The following IFT88 variants were observed in gnomAD, a reference collection of about 807,000 sequenced individuals.
The protein encoded by IFT88 is intraflagellar transport 88.
A neutral mutation model predicts 119.5 loss-of-function variants in IFT88; 74 were observed. The observed-to-expected ratio is 0.62, with a 90% CI of 0.51 to 0.75. IFT88 has a LOEUF of 0.75. Among genes scored for constraint, IFT88 ranks in the 30% least tolerant of loss-of-function variants. The pLI, the probability that IFT88 is intolerant of heterozygous loss-of-function variation, is 0.00. For missense variants in IFT88, 961 were observed against 977.7 expected, an observed-to-expected ratio of 0.98 and a Z score of 0.23; for synonymous variants, 279 against 316.7, an observed-to-expected ratio of 0.88 and a Z score of 1.26.
chr13:20,637,837 A>G (rs370422407), intron 16 of IFT88, among the ~76,000 whole-genome samples: 53 of 152,302 alleles, frequency 3.5e-4, no homozygotes, highest in African/African-American at 1.1e-3. Context: ...GATGGTCACA[A>G]TATTTAAGAA....
At chr13:20,599,348 A>G (rs931147097) in intron 10 of IFT88, 103 bp from the exon 11 acceptor site, 3 of 554,202 alleles carry the variant, frequency 5.4e-6, no homozygotes, top group Non-Finnish European at 9.5e-6. Flanking sequence ...CTGAGACTTC[A>G]TAACTGAGAA....
intron 14 of IFT88, among the ~76,000 whole-genome samples, chr13:20,618,302 C>T (rs1566217267): frequency 6.6e-6 from 1 of 152,208 alleles, no homozygotes; most frequent in Non-Finnish European, 1.5e-5. Flanking sequence ...GATAATCTGG[C>T]TCCCCACATC....
chr13:20,589,310 T>G (rs1045035194), intron 3 of IFT88, among the ~76,000 whole-genome samples: 1 of 152,242 alleles, frequency 6.6e-6, no homozygotes, highest in African/African-American at 2.4e-5. Context: ...TTTAGTATAC[T>G]TTCATCGATG....
At chr13:20,689,286 C>G (rs976508864) in intron 24 of IFT88, among the ~76,000 whole-genome samples, 6 of 152,114 alleles carry the variant, frequency 3.9e-5, no homozygotes, top group African/African-American at 1.4e-4. Context: ...ATCTTTCAGG[C>G]TAGGAATTTG....
intron 24 of IFT88, among the ~76,000 whole-genome samples, chr13:20,679,004 G>A (rs10400669): frequency 0.16 from 24,900 of 152,078 alleles, 2,384 homozygotes; most frequent in African/African-American, 0.25. Flanking sequence ...TGGCATTAGC[G>A]TCAGATGTGC....
chr13:20,630,873 A>T, intron 15 of IFT88, 143 bp from the exon 16 acceptor site: 1 of 492,734 alleles, frequency 2.0e-6, no homozygotes, highest in Non-Finnish European at 3.7e-6. Context: ...TCTTCTTGTA[A>T]TCTGTTTTCT....
At chr13:20,604,933 G>A (rs138953760) in intron 12 of IFT88, 102 bp from the exon 13 acceptor site, 3 of 564,742 alleles carry the variant, frequency 5.3e-6, no homozygotes, top group South Asian at 2.3e-5. Context: ...TGCAGCCTGG[G>A]CAATAGAGTG....
At chr13:20,655,723 G>A (rs1051134050) in intron 21 of IFT88, among the ~76,000 whole-genome samples, 1 of 151,894 alleles carries the variant, frequency 6.6e-6, no homozygotes, top group Non-Finnish European at 1.5e-5. Flanking sequence ...CAAACTCCTG[G>A]CCTCAAGTGG....
chr13:20,588,190 G>T (rs1490406121), intron 3 of IFT88, among the ~76,000 whole-genome samples: 1 of 151,680 alleles, frequency 6.6e-6, no homozygotes, highest in Non-Finnish European at 1.5e-5. Context: ...TAAATTAACA[G>T]TTTTACTACT....
At chr13:20,663,209 A>G in intron 22 of IFT88, 4 of 1,341,486 alleles carry the variant, frequency 3.0e-6, no homozygotes, top group Non-Finnish European at 3.9e-6. Context: ...AACAAATGTT[A>G]CATTTGCCTT....
At chr13:20,615,432 A>G (rs1202694191) in intron 13 of IFT88, among the ~76,000 whole-genome samples, 2 of 152,134 alleles carry the variant, frequency 1.3e-5, no homozygotes, top group African/African-American at 4.8e-5. Context: ...TACCACACAC[A>G]ATTTCTTCAG....
At chr13:20,681,095 C>G (rs926986247) in intron 24 of IFT88, among the ~76,000 whole-genome samples, 4 of 152,194 alleles carry the variant, frequency 2.6e-5, no homozygotes, top group Admixed American at 2.0e-4. Context: ...TCCACAATGG[C>G]TTGTCCTTGT....
chr13:20,648,184 T>C (rs1326813970), intron 20 of IFT88, among the ~76,000 whole-genome samples: 1 of 152,088 alleles, frequency 6.6e-6, no homozygotes, highest in Non-Finnish European at 1.5e-5. Context: ...TCACCTGAGG[T>C]CAGGAGTTCA....
chr13:20,670,788 G>A (rs904461504), intron 23 of IFT88, among the ~76,000 whole-genome samples, 185 bp from the exon 24 acceptor site: 7 of 151,112 alleles, frequency 4.6e-5, no homozygotes, highest in African/African-American at 1.5e-4. Context: ...AGAGGGGAAG[G>A]CTTGAACCCT....
intron 7 of IFT88, 55 bp downstream of exon 7, chr13:20,592,459 T>G: frequency 7.1e-7 from 1 of 1,401,814 alleles, no homozygotes; most frequent in Non-Finnish European, 9.9e-7. Context: ...TTTAAATTTT[T>G]ATTTTCCAAA....
At chr13:20,585,719 G>A (rs181044489) in intron 3 of IFT88, among the ~76,000 whole-genome samples, 67 of 152,334 alleles carry the variant, frequency 4.4e-4, no homozygotes, top group African/African-American at 1.6e-3. Context: ...CATTTCAGGG[G>A]TGTAGAAATC....
chr13:20,688,262 G>T (rs1381350408), intron 24 of IFT88, among the ~76,000 whole-genome samples: 3 of 152,280 alleles, frequency 2.0e-5, no homozygotes, highest in South Asian at 4.2e-4. Context: ...CAGAAGAATC[G>T]ATTGAACCCG....
chr13:20,599,347 C>T (rs757285461), intron 10 of IFT88, 104 bp from the exon 11 acceptor site: 110 of 551,564 alleles, frequency 2.0e-4, no homozygotes, highest in Non-Finnish European at 3.2e-4. Context: ...TCTGAGACTT[C>T]ATAACTGAGA....
intron 24 of IFT88, among the ~76,000 whole-genome samples, chr13:20,676,101 C>T (rs936454575): frequency 1.3e-5 from 2 of 152,202 alleles, no homozygotes; most frequent in Admixed American, 6.5e-5. Flanking sequence ...AGTCAACACA[C>T]ATCACAGAGC....
Sources: gnomAD v4.1 joint callset for allele counts (sites outside exome capture counted in the v4.1 genomes callset) on GRCh38, gnomAD v4.1.1 for gene constraint, MANE v1.5 for transcripts, NCBI Gene and HGNC (gene_info 2026-07-23, HGNC 2026-07-21) for gene names.